The following SLC9A4 variants were observed in gnomAD, a reference collection of about 807,000 sequenced individuals.
The protein encoded by SLC9A4 is sodium/hydrogen exchanger 4.
SLC9A4 carries 63 observed loss-of-function variants against 67.4 expected under a neutral mutation model. The observed-to-expected ratio is 0.93, with a 90% CI of 0.76 to 1.15. The LOEUF (loss-of-function observed/expected upper bound fraction) is 1.15. SLC9A4 is among the 50% of genes most tolerant of loss of function. SLC9A4 has a pLI of 0.00. For missense variants in SLC9A4, 1,089 were observed against 987.7 expected, an observed-to-expected ratio of 1.10 and a Z score of -1.38; for synonymous variants, 393 against 367.2, an observed-to-expected ratio of 1.07 and a Z score of -0.80.
At chr2:102,506,087 G>C (rs1685045089) in intron 4 of SLC9A4, among the ~76,000 whole-genome samples, 2 of 152,312 alleles carry the variant, frequency 1.3e-5, no homozygotes, top group Middle Eastern at 3.4e-3. Context: ...TTTTAAAAGA[G>C]CTTCGTATTA....
At chr2:102,510,237 A>G (rs544645875) in intron 6 of SLC9A4, among the ~76,000 whole-genome samples, 3 of 141,004 alleles carry the variant, frequency 2.1e-5, no homozygotes, top group Non-Finnish European at 3.1e-5. Context: ...ATACGGATAC[A>G]GATACAGATA....
intron 4 of SLC9A4, among the ~76,000 whole-genome samples, chr2:102,506,829 C>A (rs1350346471): frequency 1.3e-5 from 2 of 152,070 alleles, no homozygotes; most frequent in African/African-American, 4.8e-5. Context: ...CCTTCATGAT[C>A]CAGCTCAACC....
At chr2:102,494,083 T>G (rs1445858726) in intron 2 of SLC9A4, among the ~76,000 whole-genome samples, 3 of 151,726 alleles carry the variant, frequency 2.0e-5, no homozygotes, top group Non-Finnish European at 2.9e-5. Flanking sequence ...ACTAGGAGGG[T>G]TGGTGGTCAC....
intron 2 of SLC9A4, among the ~76,000 whole-genome samples, chr2:102,491,897 T>TG (rs1041902262): frequency 6.6e-6 from 1 of 151,908 alleles, no homozygotes; most frequent in Non-Finnish European, 1.5e-5. Context: ...CTAGATACAG[T>TG]GGGGGTAAAG....
intron 2 of SLC9A4, among the ~76,000 whole-genome samples, chr2:102,483,830 A>G (rs1684524103): frequency 7.0e-6 from 1 of 143,166 alleles, no homozygotes; most frequent in Admixed American, 7.0e-5. Flanking sequence ...ATATATATAT[A>G]TATATATATA....
intron 2 of SLC9A4, among the ~76,000 whole-genome samples, chr2:102,497,612 A>G (rs1327140794): frequency 6.6e-6 from 1 of 152,240 alleles, no homozygotes; most frequent in South Asian, 2.1e-4. Context: ...TTCAAACTGT[A>G]TAAAATGCAA....
At chr2:102,480,895 C>A (rs12617718) in intron 2 of SLC9A4, among the ~76,000 whole-genome samples, 1 of 152,132 alleles carries the variant, frequency 6.6e-6, no homozygotes, top group East Asian at 1.9e-4. Context: ...ACAGAGGCTG[C>A]GCTTGGGAAC....
At chr2:102,515,138 C>A (rs1047736665) in intron 8 of SLC9A4, among the ~76,000 whole-genome samples, 1 of 151,892 alleles carries the variant, frequency 6.6e-6, no homozygotes, top group Non-Finnish European at 1.5e-5. Context: ...GAACATGGGC[C>A]CCCTCCATCC....
intron 2 of SLC9A4, among the ~76,000 whole-genome samples, chr2:102,497,178 C>G (rs1684827434): frequency 6.6e-6 from 1 of 152,242 alleles, no homozygotes. Context: ...AGTGATGCAT[C>G]TGCCTCGGCC....
In SLC9A4 at chr2:102,527,982, T is replaced by C. The variant is rs370009252; in HGVS notation, c.2038+1636T>C. ...AGAACCCTATATAACAAGGATATCA[T>C]CCATTTTATCTCCTATATGTTGCCA... On this transcript the variant is annotated intron_variant, in intron 11 of 11. Transcript: ENST00000295269. Among the ~76,000 whole-genome samples the C allele has an allele frequency of 1.4e-3, 215 of 152,076 alleles. 1 individual carries two copies. The highest frequency in any genetic ancestry group is 5.0e-3 in the African/African-American group (206 of 41,412).
At position 102,524,611 on chromosome 2, in the gene SLC9A4, C is replaced by A. The variant is rs192496494; in HGVS notation, c.1819-413C>A. On this transcript the variant is annotated intron_variant, in intron 9 of 11. Transcript: ENST00000295269. ...TTGTGTGCTTGCGTGTGTAGGTATC[C>A]TTAATTGGCAAAATTAAAAACCAAG... Among the ~76,000 whole-genome samples, 30 of 141,460 alleles carry A rather than the reference C, an allele frequency of 2.1e-4. No individual in the cohort carries two copies. The South Asian group carries it at 5.6e-3, about 26-fold the overall frequency. The allele number at this position is 141,460 out of a possible 152,430, so 92.8% of individuals were successfully genotyped here. A position where few individuals can be genotyped will look rare whatever the true frequency, so the allele number is the denominator to read the frequency against.
At chr2:102,478,125 AATC>A (rs1458880571) in intron 1 of SLC9A4, among the ~76,000 whole-genome samples, 1 of 152,176 alleles carries the variant, frequency 6.6e-6, no homozygotes, top group Non-Finnish European at 1.5e-5. Context: ...GGTGTAGAAA[AATC>A]ATCTGGCAGT....
In SLC9A4 at chr2:102,529,069, G is replaced by A. The variant is rs564495937; in HGVS notation, c.2038+2723G>A. ...CTAGAGCAGAGTCTGGAACCAAGTA[G>A]ATGTGCAAGAAATATTAGTCATTAT... On this transcript the variant is annotated intron_variant, in intron 11 of 11. Transcript: ENST00000295269. Among the ~76,000 whole-genome samples the A allele has an allele frequency of 1.4e-3, 212 of 152,294 alleles. 1 individual carries two copies. Among genetic ancestry groups the A allele is most frequent in the African/African-American group, 4.9e-3 (203 of 41,552 alleles).
At chr2:102,482,591 G>A (rs1375751157) in intron 2 of SLC9A4, among the ~76,000 whole-genome samples, 1 of 152,102 alleles carries the variant, frequency 6.6e-6, no homozygotes, top group African/African-American at 2.4e-5. Flanking sequence ...GACCCATGAT[G>A]TGTCCATTTC....
intron 9 of SLC9A4, among the ~76,000 whole-genome samples, chr2:102,524,426 A>G (rs1674615175): frequency 1.3e-5 from 2 of 152,222 alleles, no homozygotes; most frequent in South Asian, 4.1e-4. Flanking sequence ...GTAAAGGACA[A>G]GGAAGACATT....
intron 2 of SLC9A4, among the ~76,000 whole-genome samples, chr2:102,489,097 TAA>T (rs1346840597): frequency 1.3e-5 from 2 of 152,252 alleles, no homozygotes; most frequent in African/African-American, 4.8e-5. Flanking sequence ...CTTTTATGGT[TAA>T]AAGAGTTTTG....
chr2:102,504,918 G>A (rs947850604), intron 3 of SLC9A4, among the ~76,000 whole-genome samples: 9 of 139,516 alleles, frequency 6.5e-5, no homozygotes, highest in South Asian at 2.4e-4. Flanking sequence ...GCAGAGTAAC[G>A]CAGAGAGTGT....
intron 10 of SLC9A4, among the ~76,000 whole-genome samples, chr2:102,525,927 A>G (rs1020004191): frequency 1.3e-4 from 20 of 152,302 alleles, no homozygotes; most frequent in Admixed American, 2.6e-4. Flanking sequence ...TCTGTCACCC[A>G]GACTGGAGTG....
chr2:102,511,495 A>G (rs1685161993), intron 6 of SLC9A4, among the ~76,000 whole-genome samples: 1 of 152,046 alleles, frequency 6.6e-6, no homozygotes, highest in South Asian at 2.1e-4. Flanking sequence ...AATTAATTTA[A>G]TATTTCAAAC....
Sources: gnomAD v4.1 joint callset for allele counts (sites outside exome capture counted in the v4.1 genomes callset) on GRCh38, gnomAD v4.1.1 for gene constraint, MANE v1.5 for transcripts, NCBI Gene and HGNC (gene_info 2026-07-23, HGNC 2026-07-21) for gene names.